ATP2B2: variants seen among roughly 807,000 people sequenced by gnomAD.
ATP2B2 encodes the protein plasma membrane calcium-transporting ATPase 2.
ATP2B2 carries 15 observed loss-of-function variants against 120.0 expected under a neutral mutation model. The observed-to-expected ratio is 0.12, with a 90% CI of 0.08 to 0.19. The LOEUF is 0.19. Among genes scored for constraint, ATP2B2 ranks in the 10% least tolerant of loss-of-function variants. The pLI is 1.00. For synonymous variants in ATP2B2, 694 were observed against 700.3 expected (o/e 0.99, Z 0.14); for missense variants, 1,045 against 1,719.8 (o/e 0.61, Z 6.94).
chr3:10,684,637 G>C (rs556575492), intron 1 of ATP2B2, among the ~76,000 whole-genome samples: 3 of 152,328 alleles, frequency 2.0e-5, no homozygotes, highest in African/African-American at 7.2e-5. Context: ...ATCATCGTTA[G>C]AGTATCTGGG....
chr3:10,494,584 T>A (rs78847028), intron 1 of ATP2B2, among the ~76,000 whole-genome samples: 2,394 of 152,312 alleles, frequency 0.016, 38 homozygotes, highest in Admixed American at 0.038. Flanking sequence ...GAAGTGCCCT[T>A]GGCTGCCCTC....
chr3:10,557,602 G>A (rs1227176414), intron 2 of ATP2B2, among the ~76,000 whole-genome samples: 1 of 152,216 alleles, frequency 6.6e-6, no homozygotes, highest in African/African-American at 2.4e-5. Context: ...GAAACGGACT[G>A]GGCATTTAGG....
chr3:10,345,684 G>A, intron 17 of ATP2B2, 109 bp from the exon 18 acceptor site: 1 of 1,088,416 alleles, frequency 9.2e-7, no homozygotes, highest in Admixed American at 2.1e-5. Flanking sequence ...AACTCCCAGT[G>A]GGCCCAGCAC....
At chr3:10,590,107 G>T (rs148614589) in intron 2 of ATP2B2, among the ~76,000 whole-genome samples, 29 of 152,268 alleles carry the variant, frequency 1.9e-4, no homozygotes, top group African/African-American at 7.0e-4. Flanking sequence ...AAAAAGCAAG[G>T]GACTATGATA....
intron 1 of ATP2B2, among the ~76,000 whole-genome samples, chr3:10,707,649 C>T (rs2125724399): frequency 6.6e-6 from 1 of 152,240 alleles, no homozygotes; most frequent in African/African-American, 2.4e-5. Flanking sequence ...CGCCCCCTTC[C>T]CTCACCCGCA....
At chr3:10,530,769 T>C (rs1052980600) in intron 3 of ATP2B2, among the ~76,000 whole-genome samples, 1 of 152,202 alleles carries the variant, frequency 6.6e-6, no homozygotes, top group Non-Finnish European at 1.5e-5. Context: ...TGGGAATTAT[T>C]GCCCACATTT....
chr3:10,585,458 C>G (rs2068484944), intron 2 of ATP2B2, among the ~76,000 whole-genome samples: 1 of 133,744 alleles, frequency 7.5e-6, no homozygotes, highest in East Asian at 2.4e-4. Context: ...CATGCCACTG[C>G]ACTCCAGCCT....
At chr3:10,673,806 CAAAAAAAA>C (rs549651187) in intron 1 of ATP2B2, among the ~76,000 whole-genome samples, 1 of 73,780 alleles carries the variant, frequency 1.4e-5, no homozygotes, top group Non-Finnish European at 2.4e-5. Flanking sequence ...GACCCTGTTT[CAAAAAAAA>C]AAAAAAAAAA....
chr3:10,420,582 G>A (rs894501258), intron 2 of ATP2B2, among the ~76,000 whole-genome samples: 2 of 152,198 alleles, frequency 1.3e-5, no homozygotes, highest in South Asian at 4.1e-4. Flanking sequence ...TGCTGGTCTA[G>A]AACTCCTGAC....
intron 2 of ATP2B2, among the ~76,000 whole-genome samples, chr3:10,547,485 C>T (rs1293081057): frequency 6.6e-6 from 1 of 152,178 alleles, no homozygotes; most frequent in Admixed American, 6.5e-5. Flanking sequence ...CCTTTCCTAA[C>T]AACAGCAACA....
At chr3:10,704,532 C>A (rs896106076) in intron 1 of ATP2B2, among the ~76,000 whole-genome samples, 2 of 152,212 alleles carry the variant, frequency 1.3e-5, no homozygotes, top group African/African-American at 4.8e-5. Context: ...AGCGGGAAAG[C>A]CCTTCTTAGC....
At position 10,326,421 on chromosome 3, in the gene ATP2B2, T is replaced by C; in HGVS notation, c.*2393A>G. ...ACTGAGAACCCCTCCTGGCTCCGAA[T>C]GAACATGGAGCATGGTGTGCAAACA... On this transcript the variant is annotated 3_prime_UTR_variant, in exon 23 of 23. Transcript: ENST00000360273. 3.3e-6 allele frequency: 1 copy of C among 304,568 alleles called. No individual in the cohort carries two copies. The highest frequency in any genetic ancestry group is 6.0e-6 in the Non-Finnish European group (1 of 166,604). The allele number at this position is 304,568 out of a possible 1,614,324, so 18.9% of individuals were successfully genotyped here.
intron 1 of ATP2B2, among the ~76,000 whole-genome samples, chr3:10,463,626 A>G (rs1234701657): frequency 1.3e-5 from 2 of 152,184 alleles, no homozygotes; most frequent in Non-Finnish European, 2.9e-5. Flanking sequence ...CTGCTTTCAG[A>G]GCCCCTGCTC....
chr3:10,503,353 C>T (rs771585529), intron 1 of ATP2B2, among the ~76,000 whole-genome samples: 11 of 152,344 alleles, frequency 7.2e-5, no homozygotes, highest in Admixed American at 5.2e-4. Flanking sequence ...CGTCCCTGGC[C>T]GCCTCTGTCT....
intron 14 of ATP2B2, among the ~76,000 whole-genome samples, chr3:10,352,440 G>C (rs2060605280): frequency 6.6e-6 from 1 of 152,248 alleles, no homozygotes; most frequent in South Asian, 2.1e-4. Context: ...GGATGCTCTA[G>C]AGGGGCAGGG....
At chr3:10,410,968 T>C (rs777690378) in intron 2 of ATP2B2, among the ~76,000 whole-genome samples, 153 bp from the exon 3 acceptor site, 3 of 152,146 alleles carry the variant, frequency 2.0e-5, no homozygotes, top group Non-Finnish European at 4.4e-5. Flanking sequence ...GGCCCTAAGT[T>C]GGTTCCTGCC....
intron 8 of ATP2B2, 140 bp from the exon 9 acceptor site, chr3:10,379,424 C>A (rs995414415): frequency 1.4e-5 from 14 of 979,808 alleles, no homozygotes; most frequent in Non-Finnish European, 2.2e-5. Flanking sequence ...TGTGGGGATA[C>A]GGGTTGGGGA....
At chr3:10,479,950 C>T (rs531976327) in intron 1 of ATP2B2, among the ~76,000 whole-genome samples, 15 of 152,238 alleles carry the variant, frequency 9.9e-5, no homozygotes, top group African/African-American at 3.1e-4. Flanking sequence ...CAAAAATTAG[C>T]CAGGCGTGGT....
chr3:10,490,413 T>C (rs1247367603), intron 1 of ATP2B2, among the ~76,000 whole-genome samples: 1 of 151,176 alleles, frequency 6.6e-6, no homozygotes, highest in Non-Finnish European at 1.5e-5. Flanking sequence ...TTTTTTTTTT[T>C]TTTTCTCTGA....
Sources: gnomAD v4.1 joint callset for allele counts (sites outside exome capture counted in the v4.1 genomes callset) on GRCh38, gnomAD v4.1.1 for gene constraint, MANE v1.5 for transcripts, NCBI Gene and HGNC (gene_info 2026-07-23, HGNC 2026-07-21) for gene names.